SPOCK1: variants seen among roughly 807,000 people sequenced by gnomAD.
SPOCK1 encodes testican-1.
Under a neutral mutation model 55.3 loss-of-function variants are expected in SPOCK1, and 23 were observed. The ratio of observed to expected loss-of-function variants is 0.42; its 90% CI spans 0.30 to 0.59. The LOEUF is 0.59. SPOCK1 is among the 20% of genes least tolerant of loss of function. SPOCK1 has a pLI of 0.22. For synonymous variants in SPOCK1, 226 were observed against 221.0 expected (o/e 1.02, Z -0.20); for missense variants, 499 against 552.5 (o/e 0.90, Z 0.97).
chr5:137,333,712 GA>G (rs1469452306), intron 2 of SPOCK1, among the ~76,000 whole-genome samples: 6 of 152,198 alleles, frequency 3.9e-5, no homozygotes, highest in African/African-American at 1.4e-4. Context: ...CAAGTTGCTG[GA>G]AACAAATAGT....
intron 7 of SPOCK1, among the ~76,000 whole-genome samples, chr5:136,990,439 A>T (rs1750925751): frequency 6.6e-6 from 1 of 151,894 alleles, no homozygotes; most frequent in African/African-American, 2.4e-5. Flanking sequence ...AAAAAAAAAA[A>T]ATGTTGGGAG....
intron 5 of SPOCK1, among the ~76,000 whole-genome samples, chr5:137,081,692 G>T (rs1328643688): frequency 6.6e-6 from 1 of 152,158 alleles, no homozygotes; most frequent in African/African-American, 2.4e-5. Flanking sequence ...AATGCAACAA[G>T]ATTAAAGTGA....
At chr5:137,225,085 C>T (rs1450186855) in intron 3 of SPOCK1, among the ~76,000 whole-genome samples, 1 of 151,978 alleles carries the variant, frequency 6.6e-6, no homozygotes, top group Non-Finnish European at 1.5e-5. Context: ...TATATTGAAA[C>T]ACGTCCACCA....
intron 2 of SPOCK1, among the ~76,000 whole-genome samples, chr5:137,328,015 C>A (rs139970731): frequency 6.6e-6 from 1 of 152,210 alleles, no homozygotes. Context: ...ACCTGTGAAG[C>A]CATTTAAGGT....
intron 7 of SPOCK1, 32 bp from the exon 8 acceptor site, chr5:136,988,675 C>T (rs1290511873): frequency 1.3e-6 from 2 of 1,587,604 alleles, no homozygotes; most frequent in African/African-American, 1.3e-5. Flanking sequence ...TCAGCTGCCA[C>T]CAAGCCTGAT....
intron 2 of SPOCK1, among the ~76,000 whole-genome samples, chr5:137,445,445 T>C (rs1303447556): frequency 6.6e-6 from 1 of 152,184 alleles, no homozygotes; most frequent in Non-Finnish European, 1.5e-5. Flanking sequence ...CTCCCTTCCA[T>C]GTGCTGGGCA....
At chr5:137,255,455 C>G (rs1440168022) in intron 3 of SPOCK1, among the ~76,000 whole-genome samples, 1 of 152,162 alleles carries the variant, frequency 6.6e-6, no homozygotes, top group Admixed American at 6.5e-5. Context: ...TACTTATACT[C>G]AAATGTTTTT....
At chr5:137,151,733 A>C (rs1430664463) in intron 3 of SPOCK1, among the ~76,000 whole-genome samples, 1 of 152,178 alleles carries the variant, frequency 6.6e-6, no homozygotes, top group Non-Finnish European at 1.5e-5. Context: ...AAGGTCCTAG[A>C]GTTTTTCAGA....
At chr5:137,220,248 C>T (rs928196300) in intron 3 of SPOCK1, among the ~76,000 whole-genome samples, 5 of 152,172 alleles carry the variant, frequency 3.3e-5, no homozygotes, top group African/African-American at 1.2e-4. Flanking sequence ...TTTCCAAAAG[C>T]ACCATTTTGG....
intron 2 of SPOCK1, among the ~76,000 whole-genome samples, chr5:137,275,982 G>A (rs932017687): frequency 1.2e-4 from 18 of 152,138 alleles, no homozygotes; most frequent in African/African-American, 4.3e-4. Context: ...CCTCCCCTGA[G>A]CCCTGCCCAG....
chr5:137,195,325 G>C (rs1755277853), intron 3 of SPOCK1, among the ~76,000 whole-genome samples: 1 of 152,222 alleles, frequency 6.6e-6, no homozygotes, highest in South Asian at 2.1e-4. Flanking sequence ...CTCTCTCACA[G>C]ATACTCACCT....
At chr5:137,106,704 T>C (rs905911441) in intron 5 of SPOCK1, among the ~76,000 whole-genome samples, 2 of 152,138 alleles carry the variant, frequency 1.3e-5, no homozygotes, top group Non-Finnish European at 2.9e-5. Context: ...CCTCCAATCC[T>C]GCCCCAACCA....
intron 5 of SPOCK1, among the ~76,000 whole-genome samples, chr5:137,103,994 C>T (rs149144888): frequency 5.3e-5 from 8 of 152,308 alleles, no homozygotes; most frequent in Admixed American, 3.9e-4. Context: ...AGCAAAATCA[C>T]GTGGAGTTGG....
chr5:137,078,426 C>T (rs1752817115), intron 5 of SPOCK1, among the ~76,000 whole-genome samples: 5 of 152,120 alleles, frequency 3.3e-5, no homozygotes, highest in South Asian at 4.2e-4. Flanking sequence ...CAGAATTCAC[C>T]GGAGGTGGAG....
At chr5:137,050,604 C>T (rs1167953753) in intron 6 of SPOCK1, among the ~76,000 whole-genome samples, 5 of 152,080 alleles carry the variant, frequency 3.3e-5, no homozygotes, top group Non-Finnish European at 5.9e-5. Flanking sequence ...CCGTCTTCTG[C>T]GTCGCTCACG....
At chr5:136,995,894 G>A (rs1465288184) in intron 6 of SPOCK1, among the ~76,000 whole-genome samples, 5 of 152,172 alleles carry the variant, frequency 3.3e-5, no homozygotes, top group Non-Finnish European at 5.9e-5. Flanking sequence ...TCAGAAACCC[G>A]AAATGGAAAG....
At chr5:137,324,235 A>C (rs1758033075) in intron 2 of SPOCK1, among the ~76,000 whole-genome samples, 1 of 152,218 alleles carries the variant, frequency 6.6e-6, no homozygotes, top group South Asian at 2.1e-4. Context: ...ACTTGAGATC[A>C]GGAGTTCAAG....
rs1312006130 is a variant in SPOCK1 at position 136,975,897 on chromosome 5, T to C, written c.*2757A>G. The C allele has an allele frequency of 6.6e-6, 1 of 152,216 alleles. No individual in the cohort carries two copies. The highest frequency in any genetic ancestry group is 1.5e-5 in the Non-Finnish European group (1 of 68,036). The allele number at this position is 152,216 out of a possible 1,614,324, so 9.4% of individuals were successfully genotyped here. A position where few individuals can be genotyped will look rare whatever the true frequency, so the allele number is the denominator to read the frequency against. ...GAAATTGTATTAAAAGAGCTGTTCA[T>C]GGAATAAGAATAAAACTGTTCATTA... On this transcript the variant is annotated 3_prime_UTR_variant, in exon 11 of 11. Coordinates refer to ENST00000394945, the MANE Select transcript of SPOCK1 (RefSeq NM_004598.4).
At chr5:137,001,265 G>A (rs1751143672) in intron 6 of SPOCK1, among the ~76,000 whole-genome samples, 1 of 152,156 alleles carries the variant, frequency 6.6e-6, no homozygotes, top group African/African-American at 2.4e-5. Flanking sequence ...TGTCGGCTGT[G>A]ATCTGATTTG....
Sources: allele counts gnomAD v4.1 joint callset (sites outside exome capture counted in the v4.1 genomes callset), GRCh38; gene constraint gnomAD v4.1.1; transcripts MANE v1.5; gene names NCBI Gene and HGNC (gene_info 2026-07-23, HGNC 2026-07-21).